SLBP: variants seen among roughly 807,000 people sequenced by gnomAD.
SLBP encodes the protein stem-loop histone mRNA binding protein, also known as histone RNA hairpin-binding protein.
In SLBP, 29 loss-of-function variants were observed where a neutral mutation model predicts 39.2. That is an observed-to-expected ratio of 0.74 (90% CI 0.55 to 1.01). The LOEUF is 1.01. SLBP is among the 50% of genes least tolerant of loss of function. SLBP has a pLI of 0.00. For synonymous variants in SLBP, 129 were observed against 118.7 expected, an observed-to-expected ratio of 1.09 and a Z score of -0.57; for missense variants, 390 against 350.2, an observed-to-expected ratio of 1.11 and a Z score of -0.91.
At chr4:1,706,941 C>T (rs1048124863) in intron 2 of SLBP, among the ~76,000 whole-genome samples, 27 of 149,590 alleles carry the variant, frequency 1.8e-4, no homozygotes, top group African/African-American at 4.9e-4. Context: ...AAGACCAGGC[C>T]GGGCGCAGTG....
intron 5 of SLBP, among the ~76,000 whole-genome samples, chr4:1,699,353 A>G (rs185923150): frequency 3.3e-5 from 5 of 152,350 alleles, no homozygotes; most frequent in Middle Eastern, 3.4e-3. Context: ...TCAAAATTAT[A>G]TGAAAATGAT....
At chr4:1,701,067 G>C (rs1382999354) in intron 3 of SLBP, among the ~76,000 whole-genome samples, 2 of 152,002 alleles carry the variant, frequency 1.3e-5, no homozygotes, top group Middle Eastern at 3.2e-3. Context: ...ATCATTTGCT[G>C]CAGGGCCTCA....
At chr4:1,701,518 C>T (rs1298557957) in intron 3 of SLBP, among the ~76,000 whole-genome samples, 1 of 152,178 alleles carries the variant, frequency 6.6e-6, no homozygotes, top group Non-Finnish European at 1.5e-5. Context: ...AGTAAGCTGA[C>T]ATTTCATACC....
Position 1,711,899 on chromosome 4 carries a change from G to T in SLBP, c.151C>A (p.Arg51Ser). Residue 51 changes from arginine (R) to serine (S), a missense_variant, in exon 2 of 8, where the codon CGC becomes AGC. Arg to Ser is a moderately radical substitution (Grantham distance 110). Coordinates refer to ENST00000489418, the MANE Select transcript of SLBP (RefSeq NM_006527.4). ...CTCTCGGGTCTGCGCTCGGCGCCGC[G>T]GTGCTCTGCCTCCTCGGCGTCTTCG... ...RPEDAEEAEH[R>S]GAERRPESFT... The T allele has an allele frequency of 7.3e-7, 1 of 1,367,458 alleles. No homozygotes were observed. Among genetic ancestry groups the T allele is most frequent in the South Asian group, 1.6e-5 (1 of 61,642 alleles). 84.7% of individuals were successfully genotyped at this position (1,367,458 alleles called of 1,614,324 possible). A position where few individuals can be genotyped will look rare whatever the true frequency, so the allele number is the denominator to read the frequency against.
intron 2 of SLBP, among the ~76,000 whole-genome samples, chr4:1,710,202 T>C (rs1347215480): frequency 6.6e-6 from 1 of 152,200 alleles, no homozygotes. Flanking sequence ...TCTCTAAATA[T>C]CATCTCTATG....
intron 6 of SLBP, among the ~76,000 whole-genome samples, chr4:1,695,515 C>A (rs796165225): frequency 2.6e-5 from 4 of 152,122 alleles, no homozygotes; most frequent in South Asian, 4.1e-4. Context: ...TAAAGGCCAA[C>A]GGGGCTGGGA....
intron 2 of SLBP, among the ~76,000 whole-genome samples, chr4:1,705,926 T>C (rs770846500): frequency 1.2e-4 from 18 of 152,090 alleles, no homozygotes; most frequent in Non-Finnish European, 1.9e-4. Context: ...GTCAAGGCTG[T>C]GTGAGCCATG....
intron 3 of SLBP, among the ~76,000 whole-genome samples, chr4:1,701,290 T>C (rs1464518710): frequency 1.3e-5 from 2 of 151,642 alleles, no homozygotes; most frequent in African/African-American, 4.8e-5. Flanking sequence ...AGATTACAGG[T>C]TGCTGCCACC....
At chr4:1,703,514 ACT>A in intron 3 of SLBP, 80 bp downstream of exon 3, 1 of 911,180 alleles carries the variant, frequency 1.1e-6, no homozygotes, top group East Asian at 2.4e-5. Flanking sequence ...TTTGAAAACC[ACT>A]GTTCTAAGAC....
intron 5 of SLBP, among the ~76,000 whole-genome samples, chr4:1,698,195 A>G (rs1449890328): frequency 6.6e-6 from 1 of 151,526 alleles, no homozygotes; most frequent in African/African-American, 2.4e-5. Flanking sequence ...CCCCATCTCT[A>G]CTGAAAATAC....
chr4:1,699,580 T>C lies in SLBP; in HGVS notation c.463A>G (p.Ile155Val). 1.9e-6 allele frequency: 3 copies of C among 1,614,016 alleles called. No individual in the cohort carries two copies. Among genetic ancestry groups the C allele is most frequent in the Non-Finnish European group, 2.5e-6 (3 of 1,179,890 alleles). The change falls in exon 5 of 8, where the codon ATT becomes GTT. Residue 155 changes from isoleucine to valine, a missense_variant. Coordinates refer to ENST00000489418, the MANE Select transcript of SLBP (RefSeq NM_006527.4). ...CAAGACTACCTTGGGACTTCTTTAA[T>C]ATAACGATCGTAGGCAATTGTGTTC... ...GKNTIAYDRY[I>V]KEVPRHLRQP...
chr4:1,702,656 C>CTGATAA (rs1716369231), intron 3 of SLBP, among the ~76,000 whole-genome samples: 1 of 152,192 alleles, frequency 6.6e-6, no homozygotes. Flanking sequence ...GATCAACACA[C>CTGATAA]TGATAATCAA....
chr4:1,699,301 CTA>C (rs1214558492), intron 5 of SLBP, among the ~76,000 whole-genome samples: 8 of 152,134 alleles, frequency 5.3e-5, no homozygotes, highest in Admixed American at 2.0e-4. Context: ...AAGCTTACAT[CTA>C]TGATTGCTGA....
intron 5 of SLBP, among the ~76,000 whole-genome samples, chr4:1,698,488 A>G (rs1288363517): frequency 4.0e-5 from 6 of 151,654 alleles, no homozygotes; most frequent in Non-Finnish European, 8.8e-5. Context: ...AAAAAAAAAA[A>G]AAATTGTTTT....
chr4:1,712,075 A>C (rs891027190), intron 1 of SLBP, 55 bp downstream of exon 1: 1 of 1,232,274 alleles, frequency 8.1e-7, no homozygotes, highest in Non-Finnish European at 1.0e-6. Flanking sequence ...GGCCCCGCAC[A>C]ACCCCCGCCC....
intron 2 of SLBP, among the ~76,000 whole-genome samples, chr4:1,709,947 A>C (rs1716674802): frequency 6.6e-6 from 1 of 150,900 alleles, no homozygotes; most frequent in East Asian, 1.9e-4. Flanking sequence ...TAGTGTGGAG[A>C]CCGCAACTCC....
Position 1,699,517 on chromosome 4 carries a change from G to A in SLBP, c.479+47C>T, listed in dbSNP as rs771040419. On this transcript the variant is annotated intron_variant, in intron 5 of 7. Coordinates refer to ENST00000489418, the MANE Select transcript of SLBP (RefSeq NM_006527.4). ...CCAATCTAAGCAACTCTTTAGAAACGCAATGCCACACAGCTTGTTCAAGAC... is the reference window on the plus strand; with the variant it reads ...CCAATCTAAGCAACTCTTTAGAAACACAATGCCACACAGCTTGTTCAAGAC... 27 of 1,602,302 alleles carry A rather than the reference G, an allele frequency of 1.7e-5. No homozygotes were observed. In the Middle Eastern group the frequency reaches 5.0e-4, roughly 29 times the overall value.
At chr4:1,711,845 G>T (rs1716786617) in intron 2 of SLBP, 29 bp downstream of exon 2, 1 of 1,223,982 alleles carries the variant, frequency 8.2e-7, no homozygotes, top group South Asian at 2.3e-5. Context: ...GGGCCCCACC[G>T]CGCCCCGACC....
chr4:1,693,574 T>C lies in SLBP; in HGVS notation c.*23A>G. Reference sequence around the variant, plus strand: ...CACCTAGTCGGGGAGGAGCTGTTTCTCTTCCTGGCCGCCAGGGGGCAGTTA... The same window carrying C: ...CACCTAGTCGGGGAGGAGCTGTTTCCCTTCCTGGCCGCCAGGGGGCAGTTA... On this transcript the variant is annotated 3_prime_UTR_variant, in exon 8 of 8. Coordinates refer to ENST00000489418, the MANE Select transcript of SLBP (RefSeq NM_006527.4). The C allele has an allele frequency of 6.8e-7, 1 of 1,475,722 alleles. No individual in the cohort carries two copies. Among genetic ancestry groups the C allele is most frequent in the South Asian group, 1.1e-5 (1 of 88,204 alleles). The allele number at this position is 1,475,722 out of a possible 1,614,324, so 91.4% of individuals were successfully genotyped here. A position where few individuals can be genotyped will look rare whatever the true frequency, so the allele number is the denominator to read the frequency against.
Sources: allele counts gnomAD v4.1 joint callset (sites outside exome capture counted in the v4.1 genomes callset), GRCh38; gene constraint gnomAD v4.1.1; transcripts MANE v1.5; gene names NCBI Gene and HGNC (gene_info 2026-07-23, HGNC 2026-07-21).